The following CPT1A variants were observed in gnomAD, a reference collection of about 807,000 sequenced individuals.
CPT1A encodes carnitine palmitoyltransferase 1A.
Under a neutral mutation model 100.8 loss-of-function variants are expected in CPT1A, and 64 were observed. The observed-to-expected ratio is 0.63, with a 90% CI of 0.52 to 0.78. CPT1A has a LOEUF of 0.78. CPT1A is among the 30% of genes least tolerant of loss of function. CPT1A has a pLI of 0.00. For synonymous variants in CPT1A, 363 were observed against 396.0 expected, an observed-to-expected ratio of 0.92 and a Z score of 0.99; for missense variants, 802 against 1,034.1, an observed-to-expected ratio of 0.78 and a Z score of 3.08.
intron 1 of CPT1A, among the ~76,000 whole-genome samples, chr11:68,830,459 C>T (rs755543241): frequency 2.6e-5 from 4 of 152,192 alleles, no homozygotes; most frequent in Non-Finnish European, 5.9e-5. Context: ...TGATGGGACT[C>T]ATCACTGAGG....
intron 1 of CPT1A, among the ~76,000 whole-genome samples, chr11:68,832,414 C>A (rs1184310673): frequency 1.3e-5 from 2 of 152,202 alleles, no homozygotes; most frequent in Non-Finnish European, 2.9e-5. Context: ...TGCACCACTG[C>A]ACTCCAGCCT....
At position 68,826,371 on chromosome 11, in the gene CPT1A, G is replaced by T. The variant is rs560231764; in HGVS notation, c.-13-10884C>A. On this transcript the variant is annotated intron_variant, in intron 1 of 18. Transcript: ENST00000265641. ...TGAGGCAGGAGAATTGCTTGAACCC[G>T]GGAGGCAGAGGTTGCAGTGAGCCGA... is the stretch of plus-strand genomic sequence containing the variant. Among the ~76,000 whole-genome samples, 8 of 152,076 alleles carry T rather than the reference G, an allele frequency of 5.3e-5. No individual in the cohort carries two copies. In the East Asian group the frequency reaches 1.2e-3, roughly 22 times the overall value.
chr11:68,813,883 C>CTG (rs1358743789), intron 2 of CPT1A, among the ~76,000 whole-genome samples: 2 of 152,144 alleles, frequency 1.3e-5, no homozygotes, highest in African/African-American at 4.8e-5. Flanking sequence ...GGTTATTTAT[C>CTG]TGGGCCCAAG....
At position 68,780,748 on chromosome 11, in the gene CPT1A, A is replaced by G; in HGVS notation, c.1353-3T>C. ...ACGTGAACGACTTGTCAAACCACCT[A>G]CGTGAAACACACATGTGTGGAACTT... On this transcript the variant is annotated splice_polypyrimidine_tract_variant and splice_region_variant and intron_variant, in intron 11 of 18. Transcript: ENST00000265641. 6.2e-7 allele frequency: 1 copy of G among 1,612,670 alleles called. No homozygotes were observed. Among genetic ancestry groups the G allele is most frequent in the Non-Finnish European group, 8.5e-7 (1 of 1,178,642 alleles).
intron 18 of CPT1A, among the ~76,000 whole-genome samples, chr11:68,759,010 G>A (rs928454916): frequency 1.8e-4 from 28 of 152,182 alleles, no homozygotes; most frequent in African/African-American, 6.5e-4. Context: ...AACACTGGGA[G>A]GCTGAGGTAA....
At position 68,773,321 on chromosome 11, in the gene CPT1A, A is replaced by C; in HGVS notation, c.1684T>G (p.Cys562Gly). 6.2e-7 allele frequency: 1 copy of C among 1,614,190 alleles called. No homozygotes were observed. Among genetic ancestry groups the C allele is most frequent in the Non-Finnish European group, 8.5e-7 (1 of 1,180,028 alleles). Residue 562 changes from cysteine to glycine, a missense_variant, in exon 14 of 19, where the codon TGT becomes GGT. Physicochemically the swap from Cys to Gly is radical, Grantham distance 159. This residue lies in a region of CPT1A where 627 missense variants were observed against 799.3 expected (regional missense o/e 0.78). Transcript: ENST00000265641. ...VAFGKGIIKKCRTSPDAFVQL... is the reference protein window; with the variant it reads ...VAFGKGIIKKGRTSPDAFVQL... ...ACAAAGGCGTCTGGGCTCGTGCGAC[A>C]TTTCTTGATGATTCCTTTACCAAAG...
At chr11:68,773,920 G>A (rs1855068788) in intron 13 of CPT1A, 1 of 235,948 alleles carries the variant, frequency 4.2e-6, no homozygotes, top group Non-Finnish European at 8.5e-6. Flanking sequence ...AGCAGTGCTA[G>A]ACAGGCAAGG....
chr11:68,837,634 A>G (rs1842214482), intron 1 of CPT1A, among the ~76,000 whole-genome samples: 1 of 152,124 alleles, frequency 6.6e-6, no homozygotes, highest in East Asian at 1.9e-4. Flanking sequence ...ACAAACAGGA[A>G]TAACAGTGCC....
Position 68,804,100 on chromosome 11 carries a change from C to T in CPT1A, c.455G>A (p.Gly152Asp). Residue 152 changes from glycine to aspartate, a missense_variant and splice_region_variant, in exon 5 of 19, where the codon GGT becomes GAT. This residue lies in a region of CPT1A where 161 missense variants were observed against 183.7 expected (regional missense o/e 0.88). Coordinates refer to ENST00000265641, the MANE Select transcript of CPT1A (RefSeq NM_001876.4). ...TCGGCCTGAAAAGATCTTGACCATA[C>T]CCTGAAGAGAGAGAATTATATTTTC... is the stretch of plus-strand genomic sequence containing the variant. ...KMSRATKIWMGMVKIFSGRKP... is the reference protein window; with the variant it reads ...KMSRATKIWMDMVKIFSGRKP... 1 of 1,610,732 alleles carries T rather than the reference C, an allele frequency of 6.2e-7. No individual in the cohort carries two copies. Among genetic ancestry groups the T allele is most frequent in the Middle Eastern group, 1.6e-4 (1 of 6,062 alleles).
intron 6 of CPT1A, among the ~76,000 whole-genome samples, chr11:68,798,837 A>T (rs1855824957): frequency 6.6e-6 from 1 of 152,194 alleles, no homozygotes; most frequent in East Asian, 1.9e-4. Context: ...AAAACACAGC[A>T]TCGTGCTGGT....
Position 68,840,879 on chromosome 11 carries a change from C to T in CPT1A, c.-14+896G>A, listed in dbSNP as rs115169873. ...GCCAGGGCACGGCCACGTGACACCC[C>T]CACCCTCCCGCGGCCCCGCCGCTCC... On this transcript the variant is annotated intron_variant, in intron 1 of 18. Coordinates refer to ENST00000265641, the MANE Select transcript of CPT1A (RefSeq NM_001876.4). Among the ~76,000 whole-genome samples the T allele has an allele frequency of 2.6e-3, 390 of 152,302 alleles. 1 individual carries two copies. The highest frequency in any genetic ancestry group is 8.3e-3 in the African/African-American group (345 of 41,576).
In CPT1A at chr11:68,838,295, G is replaced by C. The variant is rs115980213; in HGVS notation, c.-14+3480C>G. ...AAAAAAGGCAAAGGCAGACACTTCT[G>C]AGGCCGTCAAGATACCCAAATAGGG... On this transcript the variant is annotated intron_variant, in intron 1 of 18. Coordinates refer to ENST00000265641, the MANE Select transcript of CPT1A (RefSeq NM_001876.4). Among the ~76,000 whole-genome samples the C allele has an allele frequency of 5.5e-3, 833 of 152,072 alleles. 6 individuals are homozygous for C. Among genetic ancestry groups the C allele is most frequent in the African/African-American group, 0.019 (787 of 41,482 alleles).
intron 1 of CPT1A, among the ~76,000 whole-genome samples, chr11:68,839,000 G>A (rs1301807443): frequency 6.6e-6 from 1 of 152,106 alleles, no homozygotes; most frequent in East Asian, 1.9e-4. Context: ...GTGTGTTGGA[G>A]AGATTCTCGA....
chr11:68,826,654 C>T (rs1429488381), intron 1 of CPT1A, among the ~76,000 whole-genome samples: 2 of 150,582 alleles, frequency 1.3e-5, no homozygotes, highest in African/African-American at 2.4e-5. Context: ...AGGAGAATGG[C>T]GTGAACCCGG....
intron 2 of CPT1A, among the ~76,000 whole-genome samples, chr11:68,813,529 C>CAAA (rs10590789): frequency 2.5e-5 from 2 of 81,514 alleles, no homozygotes; most frequent in African/African-American, 9.5e-5. Context: ...AGGCTCTGTC[C>CAAA]AAAAAAAAAA....
chr11:68,754,901 A>G lies in CPT1A; in HGVS notation c.*2743T>C, dbSNP rs1241485653. ...ACAAATCTTGTAGTAGACTGGGGTT[A>G]ATGTTTTATTAATGATAACCTACAT... On this transcript the variant is annotated 3_prime_UTR_variant, in exon 19 of 19. Transcript: ENST00000265641. The G allele has an allele frequency of 3.9e-6, 3 of 776,652 alleles. No homozygotes were observed. In the African/African-American group the frequency reaches 5.1e-5, roughly 13 times the overall value. 48.1% of individuals were successfully genotyped at this position (776,652 alleles called of 1,614,324 possible). A position where few individuals can be genotyped will look rare whatever the true frequency, so the allele number is the denominator to read the frequency against.
upstream of CPT1A, among the ~76,000 whole-genome samples, chr11:68,842,655 G>C (rs1857184408): frequency 6.6e-6 from 1 of 152,202 alleles, no homozygotes; most frequent in Non-Finnish European, 1.5e-5. Flanking sequence ...AACATAATAG[G>C]TGCTGGGAGA....
At position 68,773,269 on chromosome 11, in the gene CPT1A, T is replaced by C. The variant is rs1322210970; in HGVS notation, c.1736A>G (p.Tyr579Cys). 4 of 1,613,826 alleles carry C rather than the reference T, an allele frequency of 2.5e-6. No homozygotes were observed. The highest frequency in any genetic ancestry group is 2.2e-5 in the East Asian group (1 of 44,872). ...FVQLALQLAH[Y>C]KDMGKFCLTY... is the part of the protein sequence containing the mutation. ...CCCTAGGCGGTCAGTTCTTACCTTG[T>C]AGTGCGCCAGCTGGAGGGCCAGCTG... Residue 579 changes from tyrosine to cysteine, a missense_variant, in exon 14 of 19, where the codon TAC becomes TGC. Tyr to Cys is a radical substitution (Grantham distance 194). Around this residue, in one of 4 missense-constraint regions of CPT1A, gnomAD observed 627 missense variants for 799.3 expected, o/e 0.78. Coordinates refer to ENST00000265641, the MANE Select transcript of CPT1A (RefSeq NM_001876.4).
intron 1 of CPT1A, among the ~76,000 whole-genome samples, chr11:68,828,979 C>T (rs1238852557): frequency 2.0e-5 from 3 of 152,140 alleles, no homozygotes; most frequent in Non-Finnish European, 2.9e-5. Flanking sequence ...AGGACTTTAG[C>T]TTCAACCTGA....
Sources: allele counts gnomAD v4.1 joint callset (sites outside exome capture counted in the v4.1 genomes callset), GRCh38; gene constraint gnomAD v4.1.1; regional missense constraint gnomAD v4.1.1; transcripts MANE v1.5; gene names NCBI Gene and HGNC (gene_info 2026-07-23, HGNC 2026-07-21).